Variants in PAN2 observed in about 807,000 individuals in gnomAD.
The protein encoded by PAN2 is poly(A) specific ribonuclease subunit PAN2, also known as PAN2-PAN3 deadenylation complex catalytic subunit PAN2.
A neutral mutation model predicts 133.3 loss-of-function variants in PAN2; 68 were observed. The observed-to-expected ratio is 0.51, with a 90% CI of 0.42 to 0.62. The LOEUF is 0.62. Among genes scored for constraint, PAN2 ranks in the 20% least tolerant of loss-of-function variants. PAN2 has a pLI of 0.00. For synonymous variants in PAN2, 462 were observed against 544.6 expected, an observed-to-expected ratio of 0.85 and a Z score of 2.11; for missense variants, 1,042 against 1,500.5, an observed-to-expected ratio of 0.69 and a Z score of 5.05.
chr12:56,327,094 C>T (rs1250854008), intron 6 of PAN2, 135 bp from the exon 7 acceptor site: 12 of 788,190 alleles, frequency 1.5e-5, no homozygotes, highest in South Asian at 7.2e-5. Context: ...AATGCCACTT[C>T]GTGCCTTCCA....
Position 56,324,455 on chromosome 12 carries a change from C to A in PAN2, c.1767G>T (p.Glu589Asp). 1 of 1,614,170 alleles carries A rather than the reference C, an allele frequency of 6.2e-7. No individual in the cohort carries two copies. The highest frequency in any genetic ancestry group is 8.5e-7 in the Non-Finnish European group (1 of 1,180,028). ...CCAGGATTAGACCGAGGGCTGAGGC[C>A]TCAGGAATAGTACGGAATGCCCGAA... ...NFLRAFRTIP[E>D]ASALGLILAD... The change falls in exon 12 of 26, where the codon GAG (glutamate) becomes GAT (aspartate). Residue 589 changes from glutamate to aspartate, a missense_variant. By Grantham distance (45) the Glu-to-Asp change is conservative. Transcript: ENST00000440411.
At chr12:56,326,525 G>A in intron 7 of PAN2, 92 bp downstream of exon 7, 3 of 1,507,620 alleles carry the variant, frequency 2.0e-6, no homozygotes, top group South Asian at 1.3e-5. Flanking sequence ...AATCAGGAAA[G>A]TAGTAGAATA....
chr12:56,318,515 G>C, intron 24 of PAN2, 81 bp from the exon 25 acceptor site: 2 of 1,107,314 alleles, frequency 1.8e-6, no homozygotes, highest in Non-Finnish European at 2.7e-6. Flanking sequence ...CCTGACTCCA[G>C]AAAACTAAAA....
rs201789768 is a variant in PAN2 at position 56,332,947 on chromosome 12, G to A, written c.148C>T (p.Pro50Ser). ...DPEGVALEAL[P>S]VQESVHIMEG... is the part of the protein sequence containing the mutation. The stretch of plus-strand genomic sequence containing the variant: ...ATTATGTGCACTGATTCCTGGACGG[G>A]AAGAGCCTCCAAGGCCACTCCCTCT... The change falls in exon 2 of 26, where the codon CCC becomes TCC. Residue 50 changes from proline to serine, a missense_variant. Pro to Ser is a moderately conservative substitution (Grantham distance 74). This residue lies in a region of PAN2 where 908 missense variants were observed against 1,223.5 expected (regional missense o/e 0.74). Transcript: ENST00000440411. 1.1e-4 allele frequency: 176 copies of A among 1,614,060 alleles called. No individual in the cohort carries two copies. Among genetic ancestry groups the A allele is most frequent in the Non-Finnish European group, 1.4e-4 (169 of 1,180,044 alleles).
chr12:56,333,187 G>T lies in PAN2; in HGVS notation c.-93C>A. 2 of 1,313,400 alleles carry T rather than the reference G, an allele frequency of 1.5e-6. No individual in the cohort carries two copies. 81.4% of individuals were successfully genotyped at this position (1,313,400 alleles called of 1,614,324 possible). A position where few individuals can be genotyped will look rare whatever the true frequency, so the allele number is the denominator to read the frequency against. On this transcript the variant is annotated 5_prime_UTR_variant, in exon 2 of 26. Transcript: ENST00000440411. ...AACCTTCAGCAAGACAGCACCGATG[G>T]GCCTAGAATGGACATCCTGGCCTGT...
At position 56,325,086 on chromosome 12, in the gene PAN2, A is replaced by G; in HGVS notation, c.1522T>C (p.Phe508Leu). The G allele has an allele frequency of 6.2e-7, 1 of 1,613,944 alleles. No homozygotes were observed. The highest frequency in any genetic ancestry group is 1.7e-5 in the Admixed American group (1 of 60,026). ...AACAAGGTCTTATTGTAGTGTTTGA[A>G]GTCAAAGTCCTCCAGCCCTAGCTTG... ...YSKLGLEDFD[F>L]KHYNKTLFAG... The change falls in exon 10 of 26, where the codon TTC becomes CTC. Residue 508 changes from phenylalanine to leucine, a missense_variant. Physicochemically the swap from Phe to Leu is conservative, Grantham distance 22. Transcript: ENST00000440411.
chr12:56,331,356 C>T (rs1875820267), intron 2 of PAN2, among the ~76,000 whole-genome samples: 1 of 152,128 alleles, frequency 6.6e-6, no homozygotes, highest in South Asian at 2.1e-4. Flanking sequence ...CGCCTTTTCC[C>T]ATCTTTCTCA....
chr12:56,321,916 G>A (rs1041156930), intron 20 of PAN2, among the ~76,000 whole-genome samples, 162 bp downstream of exon 20: 1 of 151,752 alleles, frequency 6.6e-6, no homozygotes, highest in Non-Finnish European at 1.5e-5. Context: ...GCTGGATTTC[G>A]CACTTCTAAA....
Position 56,328,499 on chromosome 12 carries a change from C to T in PAN2, c.425G>A (p.Arg142His), listed in dbSNP as rs773640168. ...LTKNNLKYMA[R>H]GGLIIFDYLL... ...GTAATCAAATATAATGAGGCCCCCA[C>T]GGGCCATATACTTGAGGTTGTTCTT... is the stretch of plus-strand genomic sequence containing the variant. Residue 142 changes from arginine (R) to histidine (H), a missense_variant, in exon 3 of 26, where the codon CGT (arginine) becomes CAT (histidine). Arg to His is a conservative substitution (Grantham distance 29). Transcript: ENST00000440411. 15 of 1,614,076 alleles carry T rather than the reference C, an allele frequency of 9.3e-6. No individual in the cohort carries two copies. The highest frequency in any genetic ancestry group is 6.7e-5 in the African/African-American group (5 of 74,940).
rs750709165 is a variant in PAN2, at chr12:56,328,243, G to A, written c.568C>T (p.Gln190Ter). The A allele has an allele frequency of 1.3e-6, 2 of 1,591,002 alleles. No individual in the cohort carries two copies. Among genetic ancestry groups the A allele is most frequent in the South Asian group, 2.3e-5 (2 of 88,014 alleles). The part of the protein sequence containing the change: ...EIDLNTVQET[Q>*]KYAVETPGVT... ...TTCTTGCCCCAAGCTTGTACCTTCT[G>A]AGTCTCCTGGACAGTGTTAAGATCA... is the stretch of plus-strand genomic sequence containing the variant. The change falls in exon 4 of 26, where the codon CAG becomes TAG. Residue 190 changes from glutamine (Q) to a stop codon, truncating the protein, a stop_gained. Transcript: ENST00000440411. LOFTEE classifies it high-confidence loss of function.
At chr12:56,320,128 A>G (rs932835469) in intron 20 of PAN2, 107 bp from the exon 21 acceptor site, 106 of 997,566 alleles carry the variant, frequency 1.1e-4, no homozygotes, top group Non-Finnish European at 1.6e-4. Context: ...GTGATCCCTC[A>G]ATAATCAAAG....
At position 56,322,127 on chromosome 12, in the gene PAN2, T is replaced by G. The variant is rs1284553943; in HGVS notation, c.2739A>C (p.Ala913=). Residue 913 remains alanine (A), a synonymous_variant, in exon 20 of 26, where the codon GCA becomes GCC. Coordinates refer to ENST00000440411, the MANE Select transcript of PAN2 (RefSeq NM_014871.6). The stretch of plus-strand genomic sequence containing the variant: ...GATTCCGTTTGACATAATAAAGGAT[T>G]GCAGGTACTTTCCAATTCATGTCAA... ...VQFDMNWKVP[A]ILYYVKRNLN... is the part of the protein sequence containing the mutation. 1 of 1,610,980 alleles carries G rather than the reference T, an allele frequency of 6.2e-7. No individual in the cohort carries two copies. The highest frequency in any genetic ancestry group is 1.7e-5 in the Admixed American group (1 of 59,980).
At position 56,332,923 on chromosome 12, in the gene PAN2, T is replaced by G; in HGVS notation, c.172A>C (p.Met58Leu). ...ALPVQESVHI[M>L]EGVYSELHSV... ...TGCAATTCAGAGTAGACACCTTCCA[T>G]TATGTGCACTGATTCCTGGACGGGA... The change falls in exon 2 of 26, where the codon ATG becomes CTG. Residue 58 changes from methionine (M) to leucine (L), a missense_variant. Physicochemically the swap from Met to Leu is conservative, Grantham distance 15. Around this residue, in one of 3 missense-constraint regions of PAN2, gnomAD observed 908 missense variants for 1,223.5 expected, o/e 0.74. Transcript: ENST00000440411. 6.2e-7 allele frequency: 1 copy of G among 1,614,192 alleles called. No individual in the cohort carries two copies. The highest frequency in any genetic ancestry group is 8.5e-7 in the Non-Finnish European group (1 of 1,180,036).
At chr12:56,322,843 G>A (rs1261993478) in intron 17 of PAN2, 85 bp from the exon 18 acceptor site, 8 of 688,682 alleles carry the variant, frequency 1.2e-5, no homozygotes, top group African/African-American at 1.8e-5. Flanking sequence ...GGAGTTGGGG[G>A]TATGGGGGAT....
Position 56,317,456 on chromosome 12 carries a change from C to G in PAN2, c.*153G>C. 1.5e-6 allele frequency: 1 copy of G among 663,882 alleles called. No individual in the cohort carries two copies. Among genetic ancestry groups the G allele is most frequent in the South Asian group, 1.8e-5 (1 of 56,942 alleles). 41.1% of individuals were successfully genotyped at this position (663,882 alleles called of 1,614,324 possible). On this transcript the variant is annotated 3_prime_UTR_variant, in exon 26 of 26. Transcript: ENST00000440411. ...ACCTTTGCAACAATTCTGCTGTGTT[C>G]CAGTTCAATTAATAGCACCATCTGT... is the stretch of plus-strand genomic sequence containing the variant.
chr12:56,323,015 C>T (rs1874733128), intron 17 of PAN2, 47 bp downstream of exon 17: 1 of 1,609,888 alleles, frequency 6.2e-7, no homozygotes, highest in African/African-American at 1.3e-5. Flanking sequence ...CCTTCTGCCC[C>T]ACCTTCTCTC....
chr12:56,326,513 A>C, intron 7 of PAN2, 104 bp from the exon 8 acceptor site: 2 of 1,505,792 alleles, frequency 1.3e-6, no homozygotes, highest in Non-Finnish European at 1.8e-6. Context: ...AAGGTAGACA[A>C]AAATCAGGAA....
At position 56,317,542 on chromosome 12, in the gene PAN2, GC is replaced by G. The variant is rs1276141910; in HGVS notation, c.*66del. ...GGACAAGGTATAGCCAACTTAGGAAGCCATCTCCCAGTTCTGGGGCTATAGA... is the reference window on the plus strand; with the variant it reads ...GGACAAGGTATAGCCAACTTAGGAAGCATCTCCCAGTTCTGGGGCTATAGA... On this transcript the variant is annotated 3_prime_UTR_variant, in exon 26 of 26. Coordinates refer to ENST00000440411, the MANE Select transcript of PAN2 (RefSeq NM_014871.6). The G allele has an allele frequency of 2.1e-5, 30 of 1,403,250 alleles. No individual in the cohort carries two copies. The East Asian group carries it at 6.6e-4, about 31-fold the overall frequency. 86.9% of individuals were successfully genotyped at this position (1,403,250 alleles called of 1,614,324 possible).
intron 25 of PAN2, 133 bp from the exon 26 acceptor site, chr12:56,317,776 A>G (rs1565630603): frequency 2.7e-6 from 2 of 735,276 alleles, no homozygotes; most frequent in Non-Finnish European, 4.9e-6. Context: ...CTTGGGCAAG[A>G]GGAAGTTATA....
Sources: gnomAD v4.1 joint callset for allele counts (sites outside exome capture counted in the v4.1 genomes callset) on GRCh38, gnomAD v4.1.1 for gene constraint, gnomAD v4.1.1 regional missense constraint, MANE v1.5 for transcripts, NCBI Gene and HGNC (gene_info 2026-07-23, HGNC 2026-07-21) for gene names.